KCNJ15: variants seen among roughly 807,000 people sequenced by gnomAD.
KCNJ15 encodes the protein ATP-sensitive inward rectifier potassium channel 15.
A neutral mutation model predicts 23.0 loss-of-function variants in KCNJ15; 14 were observed. That is an observed-to-expected ratio of 0.61 (90% CI 0.40 to 0.95). The LOEUF is 0.95. KCNJ15 is among the 40% of genes least tolerant of loss of function. The pLI, the probability that KCNJ15 is intolerant of heterozygous loss-of-function variation, is 0.00. For synonymous variants in KCNJ15, 185 were observed against 183.2 expected (o/e 1.01, Z -0.08); for missense variants, 388 against 461.8 (o/e 0.84, Z 1.46).
Position 38,304,693 on chromosome 21 carries a change from T to TTTTTTTTTTTCTG in KCNJ15, c.*4304_*4305insTTTTTTTTTTCTG, listed in dbSNP as rs1985986984. The TTTTTTTTTTTCTG allele has an allele frequency of 9.6e-6, 1 of 103,902 alleles. No individual in the cohort carries two copies. The highest frequency in any genetic ancestry group is 4.6e-5 in the African/African-American group (1 of 21,712). 6.4% of individuals were successfully genotyped at this position (103,902 alleles called of 1,614,324 possible). ...TTTTTTTTTTTTTTTTTTTTTTTTT[T>TTTTTTTTTTTCTG]GATACTGGGTCTCGCTCTGTCGCCC... On this transcript the variant is annotated 3_prime_UTR_variant, in exon 3 of 3. Coordinates refer to ENST00000398938, the MANE Select transcript of KCNJ15 (RefSeq NM_170736.3).
upstream of KCNJ15, among the ~76,000 whole-genome samples, chr21:38,252,966 G>A (rs967193238): frequency 7.9e-5 from 12 of 152,162 alleles, no homozygotes; most frequent in Non-Finnish European, 1.5e-4. Flanking sequence ...CATTTCCATT[G>A]CAGATGCAGG....
chr21:38,255,882 C>T (rs1464161272), upstream of KCNJ15, among the ~76,000 whole-genome samples: 2 of 152,136 alleles, frequency 1.3e-5, no homozygotes, highest in African/African-American at 2.4e-5. Flanking sequence ...AACCAGATGC[C>T]GTGGTCTGGC....
In KCNJ15 at chr21:38,306,084, G is replaced by C. The variant is rs1285452601; in HGVS notation, c.*5695G>C. The C allele has an allele frequency of 6.6e-6, 1 of 152,206 alleles. No individual in the cohort carries two copies. The highest frequency in any genetic ancestry group is 1.5e-5 in the Non-Finnish European group (1 of 68,044). The allele number at this position is 152,206 out of a possible 1,614,324, so 9.4% of individuals were successfully genotyped here. A position where few individuals can be genotyped will look rare whatever the true frequency, so the allele number is the denominator to read the frequency against. Reference sequence around the variant, plus strand: ...CTCCACGTGGGTGCACAGGAGCCCAGATTCTCAAGCCCCAGTTGCAGAATT... The same window carrying C: ...CTCCACGTGGGTGCACAGGAGCCCACATTCTCAAGCCCCAGTTGCAGAATT... On this transcript the variant is annotated 3_prime_UTR_variant, in exon 3 of 3. Coordinates refer to ENST00000398938, the MANE Select transcript of KCNJ15 (RefSeq NM_170736.3).
chr21:38,260,163 A>G (rs1471452422), intron 1 of KCNJ15, among the ~76,000 whole-genome samples: 2 of 140,198 alleles, frequency 1.4e-5, no homozygotes, highest in Non-Finnish European at 3.1e-5. Flanking sequence ...TTTGCTAAAT[A>G]TTACTCTGTT....
At chr21:38,252,456 G>A (rs1403692004), upstream of KCNJ15, among the ~76,000 whole-genome samples, 1 of 152,134 alleles carries the variant, frequency 6.6e-6, no homozygotes, top group Non-Finnish European at 1.5e-5. Flanking sequence ...TTTAGGAACT[G>A]GAGGGTCTTT....
At chr21:38,285,953 C>T (rs915075353) in intron 1 of KCNJ15, among the ~76,000 whole-genome samples, 4 of 152,112 alleles carry the variant, frequency 2.6e-5, no homozygotes, top group African/African-American at 9.7e-5. Flanking sequence ...TGTAAAAATC[C>T]ACCTTCCTGG....
chr21:38,256,011 A>G (rs945876407), upstream of KCNJ15, among the ~76,000 whole-genome samples: 2 of 152,064 alleles, frequency 1.3e-5, no homozygotes, highest in African/African-American at 4.8e-5. Flanking sequence ...CTCTAGGGGA[A>G]GTGCTTTTGA....
rs1461462212 is a variant in KCNJ15 at position 38,306,118 on chromosome 21, G to C, written c.*5729G>C. The C allele has an allele frequency of 6.6e-6, 1 of 152,174 alleles. No homozygotes were observed. The highest frequency in any genetic ancestry group is 1.5e-5 in the Non-Finnish European group (1 of 68,044). 9.4% of individuals were successfully genotyped at this position (152,174 alleles called of 1,614,324 possible). ...GCCCCAGTTGCAGAATTAGGCTGAT[G>C]GTTTTACAAAAGAGTCCTCCTAAAA... is the stretch of plus-strand genomic sequence containing the variant. On this transcript the variant is annotated 3_prime_UTR_variant, in exon 3 of 3. Transcript: ENST00000398938.
At chr21:38,231,592 G>A (rs563694653) in intron 1 of KCNJ15, among the ~76,000 whole-genome samples, 3 of 151,624 alleles carry the variant, frequency 2.0e-5, no homozygotes, top group Non-Finnish European at 4.4e-5. Context: ...TGTTTGTTTT[G>A]TTTTTGTAGA....
chr21:38,284,872 A>G (rs1386665787), intron 1 of KCNJ15, among the ~76,000 whole-genome samples: 2 of 152,140 alleles, frequency 1.3e-5, no homozygotes, highest in South Asian at 2.1e-4. Flanking sequence ...TCTCTCATCT[A>G]TCCTTGACTT....
In KCNJ15 at chr21:38,300,036, GA is replaced by G; in HGVS notation, c.776del (p.Asp259ValfsTer6). On this transcript the variant is annotated frameshift_variant, in exon 3 of 3. Transcript: ENST00000398938. LOFTEE classifies it high-confidence loss of function. ...GCCCATGACATTCTACCATGTGCTGGATGAGACGAGCCCCCTGAGAGACCTC... is the reference window on the plus strand; with the variant it reads ...GCCCATGACATTCTACCATGTGCTGGTGAGACGAGCCCCCTGAGAGACCTC... ...ILPMTFYHVLDETSPLRDLTP... is the reference protein window; with the variant it reads ...ILPMTFYHVLXETSPLRDLTP... The G allele has an allele frequency of 6.2e-7, 1 of 1,614,054 alleles. No homozygotes were observed. The highest frequency in any genetic ancestry group is 2.2e-5 in the East Asian group (1 of 44,864).
intron 1 of KCNJ15, among the ~76,000 whole-genome samples, chr21:38,292,830 G>T (rs374603679): frequency 1.4e-4 from 21 of 151,996 alleles, no homozygotes; most frequent in African/African-American, 4.6e-4. Flanking sequence ...TTAGCCAGGC[G>T]TAATGGCGGG....
upstream of KCNJ15, among the ~76,000 whole-genome samples, chr21:38,253,291 T>C (rs1290181582): frequency 2.6e-5 from 4 of 152,218 alleles, no homozygotes; most frequent in East Asian, 7.7e-4. Context: ...GATTTTAATT[T>C]TGTGGCTTCC....
At chr21:38,265,864 C>A (rs926750658) in intron 1 of KCNJ15, among the ~76,000 whole-genome samples, 3 of 152,176 alleles carry the variant, frequency 2.0e-5, no homozygotes, top group Non-Finnish European at 4.4e-5. Context: ...AAGACCAGAT[C>A]CCTTTGGGAT....
At chr21:38,258,098 A>T (rs1321720558) in intron 1 of KCNJ15, among the ~76,000 whole-genome samples, 1 of 151,844 alleles carries the variant, frequency 6.6e-6, no homozygotes, top group Non-Finnish European at 1.5e-5. Context: ...AATCCAAGTG[A>T]TTCTTAAAAT....
chr21:38,239,544 G>A (rs546218297), intron 1 of KCNJ15, among the ~76,000 whole-genome samples: 3 of 152,266 alleles, frequency 2.0e-5, no homozygotes, highest in Admixed American at 6.5e-5. Flanking sequence ...TGGCAAGGCC[G>A]AAAAGGTACT....
rs1367017827 is a variant in KCNJ15, at chr21:38,304,647, T to TAA, written c.*4260_*4261dup. The TAA allele has an allele frequency of 2.1e-5, 3 of 144,776 alleles. No individual in the cohort carries two copies. Among genetic ancestry groups the TAA allele is most frequent in the Admixed American group, 7.0e-5 (1 of 14,278 alleles). The allele number at this position is 144,776 out of a possible 1,614,324, so 9.0% of individuals were successfully genotyped here. ...TTAACTGCATACACTTTACCCTTTG[T>TAA]AAACTTCAATTTATCTTTTTTTTTT... On this transcript the variant is annotated 3_prime_UTR_variant, in exon 3 of 3. Transcript: ENST00000398938.
At chr21:38,286,070 C>T (rs565300594) in intron 1 of KCNJ15, among the ~76,000 whole-genome samples, 1 of 152,142 alleles carries the variant, frequency 6.6e-6, no homozygotes, top group East Asian at 1.9e-4. Flanking sequence ...GGTGAAACCT[C>T]GTCTCTACTA....
rs1360996294 is a variant in KCNJ15, at chr21:38,299,781, C to T, written c.520C>T (p.Arg174Trp). The T allele has an allele frequency of 7.4e-6, 12 of 1,614,022 alleles. No homozygotes were observed. Among genetic ancestry groups the T allele is most frequent in the South Asian group, 3.3e-5 (3 of 91,080 alleles). Reference protein sequence around the residue: ...FLAKIARPKKRAETIKFSHCA... With the variant: ...FLAKIARPKKWAETIKFSHCA... ...GGCCAAAATCGCCAGACCCAAAAAGCGGGCTGAGACCATCAAGTTCAGCCA... is the reference window on the plus strand; with the variant it reads ...GGCCAAAATCGCCAGACCCAAAAAGTGGGCTGAGACCATCAAGTTCAGCCA... The change falls in exon 3 of 3, where the codon CGG becomes TGG. Residue 174 changes from arginine to tryptophan, a missense_variant. By Grantham distance (101) the Arg-to-Trp change is moderately radical. Coordinates refer to ENST00000398938, the MANE Select transcript of KCNJ15 (RefSeq NM_170736.3). This position sits in a 1 kb window ranked among gnomAD's most constrained non-coding sequence, Gnocchi z 4.5.
Sources: allele counts gnomAD v4.1 joint callset (sites outside exome capture counted in the v4.1 genomes callset), GRCh38; gene constraint gnomAD v4.1.1; non-coding constraint Gnocchi (gnomAD v3.1); transcripts MANE v1.5; gene names NCBI Gene and HGNC (gene_info 2026-07-23, HGNC 2026-07-21).